The following KCNK10 variants were observed in gnomAD, a reference collection of about 807,000 sequenced individuals.
KCNK10 encodes potassium two pore domain channel subfamily K member 10, also known as potassium channel subfamily K member 10.
Under a neutral mutation model 47.7 loss-of-function variants are expected in KCNK10, and 25 were observed. That is an observed-to-expected ratio of 0.52 (90% CI 0.38 to 0.73). The LOEUF is 0.73. Ranked by LOEUF, KCNK10 falls within the 30% of genes least tolerant of loss-of-function variation. The pLI is 0.00. For synonymous variants in KCNK10, 303 were observed against 285.6 expected (o/e 1.06, Z -0.61); for missense variants, 563 against 714.5 (o/e 0.79, Z 2.42).
chr14:88,214,653 T>C (rs1430358037), intron 4 of KCNK10, among the ~76,000 whole-genome samples: 3 of 151,986 alleles, frequency 2.0e-5, no homozygotes, highest in African/African-American at 7.3e-5. Flanking sequence ...TAGATTAACC[T>C]CCAAGAAAAG....
intron 4 of KCNK10, among the ~76,000 whole-genome samples, chr14:88,214,107 T>C (rs1291139220): frequency 6.6e-6 from 1 of 151,780 alleles, no homozygotes; most frequent in East Asian, 1.9e-4. Context: ...ACCTGGCTAA[T>C]TTTGTATTTT....
At position 88,185,769 on chromosome 14, in the gene KCNK10, G is replaced by T. The variant is rs757896432; in HGVS notation, c.1398C>A (p.Leu466=). ...GAACGTCCTCGGGCAAGGTCTTTTT[G>T]AGGTCCTTGTTTTTCCTCTTGGTGA... is the stretch of plus-strand genomic sequence containing the variant. ...SRLTKRKNKD[L]KKTLPEDVQK... The change falls in exon 7 of 7, where the codon CTC becomes CTA. Residue 466 remains leucine, a synonymous_variant. Coordinates refer to ENST00000319231, the MANE Select transcript of KCNK10 (RefSeq NM_138317.3). The surrounding 1 kb of genome is among the most constrained non-coding windows in gnomAD (Gnocchi z 4.3). The T allele has an allele frequency of 1.2e-6, 2 of 1,614,138 alleles. No individual in the cohort carries two copies. Among genetic ancestry groups the T allele is most frequent in the Non-Finnish European group, 1.7e-6 (2 of 1,180,026 alleles).
intron 1 of KCNK10, among the ~76,000 whole-genome samples, chr14:88,314,921 T>C (rs1888397091): frequency 6.6e-6 from 1 of 152,162 alleles, no homozygotes. Context: ...AATGAAGCAA[T>C]GTTCCCAAAT....
chr14:88,316,909 CTA>C (rs1261966750), intron 1 of KCNK10, among the ~76,000 whole-genome samples: 3 of 152,176 alleles, frequency 2.0e-5, no homozygotes, highest in African/African-American at 7.2e-5. Flanking sequence ...AGGGGAAAGA[CTA>C]TATTATATTT....
At chr14:88,292,990 T>A (rs1000307872) in intron 1 of KCNK10, among the ~76,000 whole-genome samples, 6 of 80,582 alleles carry the variant, frequency 7.4e-5, no homozygotes, top group Non-Finnish European at 1.2e-4. Context: ...CTTTTGAATA[T>A]CTGAAAAAAA....
chr14:88,300,380 C>A (rs574715479), intron 1 of KCNK10, among the ~76,000 whole-genome samples: 1 of 152,308 alleles, frequency 6.6e-6, no homozygotes, highest in South Asian at 2.1e-4. Flanking sequence ...ATGTATGTTT[C>A]ATCACTCCAA....
Position 88,192,418 on chromosome 14 carries a change from G to T in KCNK10, c.682-8C>A. 1 of 1,612,176 alleles carries T rather than the reference G, an allele frequency of 6.2e-7. No individual in the cohort carries two copies. Among genetic ancestry groups the T allele is most frequent in the Non-Finnish European group, 8.5e-7 (1 of 1,178,722 alleles). ...CTGACTCACTTGCTTTTTCTAGGAAGAGCAAAGGAGAAAGATAGGCAAGTC... is the reference window on the plus strand; with the variant it reads ...CTGACTCACTTGCTTTTTCTAGGAATAGCAAAGGAGAAAGATAGGCAAGTC... On this transcript the variant is annotated splice_polypyrimidine_tract_variant and splice_region_variant and intron_variant, in intron 4 of 6. Coordinates refer to ENST00000319231, the MANE Select transcript of KCNK10 (RefSeq NM_138317.3).
Position 88,319,103 on chromosome 14 carries a change from G to A in KCNK10, c.52+3644C>T, listed in dbSNP as rs375028813. Among the ~76,000 whole-genome samples, 6 of 152,212 alleles carry A rather than the reference G, an allele frequency of 3.9e-5. 1 individual carries two copies. The highest frequency in any genetic ancestry group is 6.8e-3 in the Middle Eastern group (2 of 294). On this transcript the variant is annotated intron_variant, in intron 1 of 6. Coordinates refer to ENST00000319231, the MANE Select transcript of KCNK10 (RefSeq NM_138317.3). ...TGGTAGGTCCTACACAAACAGTAAC[G>A]CTCTTCATAGAAGTCTCTGTTCCAT...
At chr14:88,308,577 C>T (rs554932771) in intron 1 of KCNK10, among the ~76,000 whole-genome samples, 30 of 152,356 alleles carry the variant, frequency 2.0e-4, no homozygotes, top group Middle Eastern at 3.4e-3. Context: ...CGCGTGCACA[C>T]GCATCCCGGC....
intron 1 of KCNK10, among the ~76,000 whole-genome samples, chr14:88,289,696 C>T (rs1054581997): frequency 6.6e-6 from 1 of 152,226 alleles, no homozygotes; most frequent in African/African-American, 2.4e-5. Context: ...TCAGATAGAC[C>T]TGAGCTCATG....
At chr14:88,316,141 C>A (rs774551116) in intron 1 of KCNK10, among the ~76,000 whole-genome samples, 13 of 152,062 alleles carry the variant, frequency 8.5e-5, no homozygotes, top group Non-Finnish European at 1.8e-4. Flanking sequence ...AATGCCCACC[C>A]CTCCCCATCT....
At chr14:88,239,787 A>C (rs1224365064) in intron 3 of KCNK10, among the ~76,000 whole-genome samples, 3 of 152,122 alleles carry the variant, frequency 2.0e-5, no homozygotes, top group African/African-American at 7.2e-5. Context: ...TGAACCCGTG[A>C]GGCGGAGGTT....
At chr14:88,204,830 A>G (rs1885214380) in intron 4 of KCNK10, among the ~76,000 whole-genome samples, 1 of 152,242 alleles carries the variant, frequency 6.6e-6, no homozygotes, top group South Asian at 2.1e-4. Flanking sequence ...AGCCTTCCCC[A>G]CTATCAACAT....
chr14:88,304,610 A>T (rs1319267383), intron 1 of KCNK10, among the ~76,000 whole-genome samples: 1 of 152,174 alleles, frequency 6.6e-6, no homozygotes, highest in East Asian at 1.9e-4. Flanking sequence ...GCTGTAAGCT[A>T]GTGTCCATTC....
At chr14:88,197,812 A>G (rs1237636637) in intron 4 of KCNK10, among the ~76,000 whole-genome samples, 1 of 144,084 alleles carries the variant, frequency 6.9e-6, no homozygotes, top group African/African-American at 2.5e-5. Context: ...GTTCGAGGGA[A>G]GGAGGGAGGG....
chr14:88,196,638 G>A (rs149660746), intron 4 of KCNK10, among the ~76,000 whole-genome samples: 1 of 152,304 alleles, frequency 6.6e-6, no homozygotes, highest in East Asian at 1.9e-4. Flanking sequence ...TAGCCAGGAT[G>A]TCGGGGATTT....
chr14:88,263,066 G>A, intron 2 of KCNK10, 136 bp downstream of exon 2: 1 of 672,076 alleles, frequency 1.5e-6, no homozygotes, highest in Non-Finnish European at 2.5e-6. Context: ...CAGCTCACAT[G>A]TCACCTCCCT....
In KCNK10 at chr14:88,185,390, T is replaced by C. The variant is rs1884507720; in HGVS notation, c.*145A>G. 1.7e-6 allele frequency: 2 copies of C among 1,191,272 alleles called. No homozygotes were observed. The highest frequency in any genetic ancestry group is 2.5e-5 in the East Asian group (1 of 39,842). 73.8% of individuals were successfully genotyped at this position (1,191,272 alleles called of 1,614,324 possible). A position where few individuals can be genotyped will look rare whatever the true frequency, so the allele number is the denominator to read the frequency against. ...CCTTTTGGCAGAGCAAGCTTTCAGT[T>C]GTTTATGGCACAGTGAAATATATTC... is the stretch of plus-strand genomic sequence containing the variant. On this transcript the variant is annotated 3_prime_UTR_variant, in exon 7 of 7. Transcript: ENST00000319231. This position sits in a 1 kb window ranked among gnomAD's most constrained non-coding sequence, Gnocchi z 4.3.
chr14:88,276,405 T>TA (rs1182900784), intron 1 of KCNK10, among the ~76,000 whole-genome samples: 2 of 151,952 alleles, frequency 1.3e-5, no homozygotes, highest in African/African-American at 4.8e-5. Context: ...CCATGAGAAA[T>TA]AAATTTCTGT....
Sources: gnomAD v4.1 joint callset for allele counts (sites outside exome capture counted in the v4.1 genomes callset) on GRCh38, gnomAD v4.1.1 for gene constraint, Gnocchi (gnomAD v3.1) non-coding constraint, MANE v1.5 for transcripts, NCBI Gene and HGNC (gene_info 2026-07-23, HGNC 2026-07-21) for gene names.